FUBP1: variants seen among roughly 807,000 people sequenced by gnomAD.
FUBP1 encodes far upstream element-binding protein 1.
A neutral mutation model predicts 94.9 loss-of-function variants in FUBP1; 16 were observed. The observed-to-expected ratio is 0.17, with a 90% CI of 0.11 to 0.26. The LOEUF is 0.26. Ranked by LOEUF, FUBP1 falls within the 10% of genes least tolerant of loss-of-function variation. FUBP1 has a pLI of 1.00. For synonymous variants in FUBP1, 279 were observed against 254.9 expected (o/e 1.09, Z -0.90); for missense variants, 583 against 808.6 (o/e 0.72, Z 3.38).
rs41300341 is a variant in FUBP1, at chr1:77,955,390, G to A, written c.1706-61C>T. On this transcript the variant is annotated intron_variant, in intron 17 of 19. Transcript: ENST00000370768. Reference sequence around the variant, plus strand: ...AAGTTTTTAAAAGGCAATTTTGGCCGTTTCCTTGGGTGCAGGAGCTGGCAG... The same window carrying A: ...AAGTTTTTAAAAGGCAATTTTGGCCATTTCCTTGGGTGCAGGAGCTGGCAG... The A allele has an allele frequency of 7.4e-4, 687 of 928,056 alleles. 2 individuals are homozygous for A. Among genetic ancestry groups the A allele is most frequent in the Non-Finnish European group, 8.6e-4 (484 of 564,182 alleles). 57.5% of individuals were successfully genotyped at this position (928,056 alleles called of 1,614,324 possible). A position where few individuals can be genotyped will look rare whatever the true frequency, so the allele number is the denominator to read the frequency against.
At chr1:77,972,761 C>CA (rs1657812318) in intron 1 of FUBP1, among the ~76,000 whole-genome samples, 1 of 139,226 alleles carries the variant, frequency 7.2e-6, no homozygotes, top group African/African-American at 2.6e-5. Flanking sequence ...GACTCTGTCT[C>CA]AAAAAAGAAA....
At chr1:77,951,228 G>C (rs1413278940) in intron 18 of FUBP1, among the ~76,000 whole-genome samples, 1 of 152,146 alleles carries the variant, frequency 6.6e-6, no homozygotes. Flanking sequence ...ATGTAAAATG[G>C]TAGAAACAGG....
At chr1:77,964,818 C>T (rs1656172797) in intron 9 of FUBP1, 52 bp downstream of exon 9, 12 of 1,500,694 alleles carry the variant, frequency 8.0e-6, no homozygotes, top group Non-Finnish European at 1.0e-5. Context: ...GCATATTTTG[C>T]CCAACCCCAT....
At chr1:77,966,672 T>A in intron 7 of FUBP1, 22 bp downstream of exon 7, 1 of 1,260,284 alleles carries the variant, frequency 7.9e-7, no homozygotes, top group South Asian at 1.2e-5. Flanking sequence ...TTAAGTAGAT[T>A]TTTAAGATTT....
intron 1 of FUBP1, among the ~76,000 whole-genome samples, chr1:77,970,708 A>G (rs1657362897): frequency 6.6e-6 from 1 of 152,206 alleles, no homozygotes; most frequent in East Asian, 1.9e-4. Flanking sequence ...TAAATTTTAG[A>G]GTAGGGCAAA....
chr1:77,953,552 G>A, intron 18 of FUBP1, among the ~76,000 whole-genome samples: 1 of 151,990 alleles, frequency 6.6e-6, no homozygotes, highest in Admixed American at 6.6e-5. Flanking sequence ...CAACAGAAAA[G>A]GTGGGGTAAG....
At position 77,956,614 on chromosome 1, in the gene FUBP1, C is replaced by A. The variant is rs143874130; in HGVS notation, c.1663G>T (p.Ala555Ser). 6 of 1,612,668 alleles carry A rather than the reference C, an allele frequency of 3.7e-6. No homozygotes were observed. The African/African-American group carries it at 8.0e-5, about 22-fold the overall frequency. Residue 555 changes from alanine to serine, a missense_variant, in exon 17 of 20, where the codon GCC (alanine) becomes TCC (serine). Coordinates refer to ENST00000370768, the MANE Select transcript of FUBP1 (RefSeq NM_003902.5). ...YQQQAQPPPA[A>S]PAGAPTTTQT... is the part of the protein sequence containing the mutation. ...GTTGTAGTTGGTGCACCTGCAGGGG[C>A]TGCTGGTGGTGGCTGTGCTTGCTGT...
In FUBP1 at chr1:77,945,618, T is replaced by C. The variant is rs1272216356; in HGVS notation, c.*3148A>G. The C allele has an allele frequency of 9.4e-6, 2 of 212,788 alleles. No homozygotes were observed. Among genetic ancestry groups the C allele is most frequent in the African/African-American group, 4.5e-5 (2 of 44,244 alleles). The allele number at this position is 212,788 out of a possible 1,614,324, so 13.2% of individuals were successfully genotyped here. A position where few individuals can be genotyped will look rare whatever the true frequency, so the allele number is the denominator to read the frequency against. ...CAGGACCTGATTTTATGAGCTATGA[T>C]TTGGTGCTTGCAGCATCTTCAGCAC... On this transcript the variant is annotated 3_prime_UTR_variant, in exon 20 of 20. Coordinates refer to ENST00000370768, the MANE Select transcript of FUBP1 (RefSeq NM_003902.5).
In FUBP1 at chr1:77,947,326, G is replaced by A. The variant is rs1003362303; in HGVS notation, c.*1440C>T. 7 of 379,588 alleles carry A rather than the reference G, an allele frequency of 1.8e-5. No homozygotes were observed. In the East Asian group the frequency reaches 3.2e-4, roughly 17 times the overall value. The allele number at this position is 379,588 out of a possible 1,614,324, so 23.5% of individuals were successfully genotyped here. ...CTATGTTAAATTAAGAGGCAGTTAT[G>A]GTTTTCCAAGATATCAGCACTGTAT... is the stretch of plus-strand genomic sequence containing the variant. On this transcript the variant is annotated 3_prime_UTR_variant, in exon 20 of 20. Coordinates refer to ENST00000370768, the MANE Select transcript of FUBP1 (RefSeq NM_003902.5).
chr1:77,956,757 A>T (rs1654536678), intron 16 of FUBP1, 57 bp from the exon 17 acceptor site: 1 of 1,367,142 alleles, frequency 7.3e-7, no homozygotes, highest in Non-Finnish European at 1.0e-6. Context: ...TCTCTCACAC[A>T]CACACACACC....
rs373507801 is a variant in FUBP1 at position 77,966,867 on chromosome 1, T to A, written c.415+17A>T. On this transcript the variant is annotated intron_variant, in intron 6 of 19. Transcript: ENST00000370768. ...TTTTCTAGTCACACTGAAAATACCA[T>A]GAGAATGTAACATTACCAGGAGCTA... The A allele has an allele frequency of 4.7e-6, 7 of 1,488,140 alleles. No homozygotes were observed. The highest frequency in any genetic ancestry group is 6.6e-6 in the Non-Finnish European group (7 of 1,067,524). 92.2% of individuals were successfully genotyped at this position (1,488,140 alleles called of 1,614,324 possible). A position where few individuals can be genotyped will look rare whatever the true frequency, so the allele number is the denominator to read the frequency against.
At chr1:77,961,514 A>G (rs1192171940) in intron 14 of FUBP1, among the ~76,000 whole-genome samples, 1 of 152,212 alleles carries the variant, frequency 6.6e-6, no homozygotes, top group East Asian at 1.9e-4. Context: ...ATGAACATTC[A>G]TTTAATCCCT....
In FUBP1 at chr1:77,964,743, G is replaced by C; in HGVS notation, c.740C>G (p.Ala247Gly). Residue 247 changes from alanine (A) to glycine (G), a missense_variant, in exon 10 of 20, where the codon GCC becomes GGC. Transcript: ENST00000370768. The stretch of plus-strand genomic sequence containing the variant: ...AATTAACTCTAACACCATTTCCTTG[G>C]CTTGCTAAAGCAGAAAAAGTTAGCT... Reference protein sequence around the residue: ...ITGDPYKVQQAKEMVLELIRD... With the variant: ...ITGDPYKVQQGKEMVLELIRD... 2.5e-6 allele frequency: 4 copies of C among 1,607,674 alleles called. No individual in the cohort carries two copies. The highest frequency in any genetic ancestry group is 3.4e-6 in the Non-Finnish European group (4 of 1,174,412).
intron 16 of FUBP1, among the ~76,000 whole-genome samples, chr1:77,957,506 G>A (rs932100419): frequency 6.6e-6 from 1 of 152,156 alleles, no homozygotes; most frequent in African/African-American, 2.4e-5. Flanking sequence ...ATCAACTGAA[G>A]TGCGAACAGT....
At chr1:77,974,490 G>C (rs531621155) in intron 1 of FUBP1, among the ~76,000 whole-genome samples, 74 of 152,182 alleles carry the variant, frequency 4.9e-4, no homozygotes, top group Admixed American at 7.8e-4. Flanking sequence ...GGTGGTCTCA[G>C]ACTCCTGGGC....
At chr1:77,960,134 C>T in intron 16 of FUBP1, 50 bp downstream of exon 16, 1 of 1,263,576 alleles carries the variant, frequency 7.9e-7, no homozygotes, top group Non-Finnish European at 1.1e-6. Flanking sequence ...AATAATGTAA[C>T]AGGAGTGGAA....
chr1:77,944,515 C>A lies in FUBP1; in HGVS notation c.*4251G>T, dbSNP rs1275374282. ...AGGTAACTTTCAGAGCCAAAATTAT[C>A]TTTAATTAGGTATTGTTATAATGCA... On this transcript the variant is annotated 3_prime_UTR_variant, in exon 20 of 20. Coordinates refer to ENST00000370768, the MANE Select transcript of FUBP1 (RefSeq NM_003902.5). Among the ~76,000 whole-genome samples the A allele has an allele frequency of 6.6e-6, 1 of 151,818 alleles. No individual in the cohort carries two copies. Among genetic ancestry groups the A allele is most frequent in the East Asian group, 1.9e-4 (1 of 5,198 alleles).
upstream of FUBP1, chr1:77,979,110 C>G: frequency 8.6e-7 from 1 of 1,167,336 alleles, no homozygotes; most frequent in South Asian, 1.6e-5. Context: ...CATTCTTGCG[C>G]GACCATCGTG....
chr1:77,950,872 G>C (rs921644639), intron 18 of FUBP1, among the ~76,000 whole-genome samples: 2 of 152,004 alleles, frequency 1.3e-5, no homozygotes, highest in Non-Finnish European at 2.9e-5. Flanking sequence ...CTGAGTGAAA[G>C]AATTTAAGAT....
Sources: gnomAD v4.1 joint callset for allele counts (sites outside exome capture counted in the v4.1 genomes callset) on GRCh38, gnomAD v4.1.1 for gene constraint, MANE v1.5 for transcripts, NCBI Gene and HGNC (gene_info 2026-07-23, HGNC 2026-07-21) for gene names.